Variants in ELMO1 observed in about 807,000 individuals in gnomAD.
ELMO1 encodes the protein engulfment and cell motility 1, also known as engulfment and cell motility protein 1.
In ELMO1, 26 loss-of-function variants were observed where a neutral mutation model predicts 98.9. The observed-to-expected ratio is 0.26, with a 90% CI of 0.19 to 0.36. ELMO1 has a LOEUF of 0.36. Among genes scored for constraint, ELMO1 ranks in the 10% least tolerant of loss-of-function variants. The probability of loss-of-function intolerance (pLI) is 1.00; values close to 1 mark genes in which losing one functional copy is unlikely to be tolerated. For synonymous variants in ELMO1, 346 were observed against 346.0 expected (o/e 1.00, Z 0.00); for missense variants, 627 against 935.2 (o/e 0.67, Z 4.30).
intron 16 of ELMO1, among the ~76,000 whole-genome samples, chr7:36,954,853 A>C (rs558787639): frequency 6.6e-6 from 1 of 152,334 alleles, no homozygotes; most frequent in East Asian, 1.9e-4. Flanking sequence ...TAATCACATT[A>C]AATTAGGAAT....
At chr7:37,293,742 A>AAAT (rs1797882621) in intron 4 of ELMO1, among the ~76,000 whole-genome samples, 2 of 86,084 alleles carry the variant, frequency 2.3e-5, no homozygotes, top group Non-Finnish European at 2.6e-5. Flanking sequence ...ATAATAATAA[A>AAAT]AAAAAAGAGT....
intron 15 of ELMO1, among the ~76,000 whole-genome samples, chr7:37,050,863 T>C (rs1245969098): frequency 6.6e-6 from 1 of 151,758 alleles, no homozygotes; most frequent in Non-Finnish European, 1.5e-5. Flanking sequence ...GTGAAAGACA[T>C]GTCAAACATT....
intron 1 of ELMO1, among the ~76,000 whole-genome samples, chr7:37,343,487 CTTTTT>C (rs10571805): frequency 6.8e-4 from 63 of 92,802 alleles, no homozygotes; most frequent in African/African-American, 2.2e-3. Flanking sequence ...TAGCCCATTT[CTTTTT>C]TTTTTTTTTT....
chr7:36,904,516 C>T (rs1783816686), intron 16 of ELMO1, among the ~76,000 whole-genome samples: 1 of 152,192 alleles, frequency 6.6e-6, no homozygotes. Flanking sequence ...TGCAGTTCAG[C>T]ACAGGTGCTC....
In ELMO1 at chr7:37,017,447, C is replaced by T. The variant is rs118130245; in HGVS notation, c.1301-4012G>A. Among the ~76,000 whole-genome samples, 952 of 152,268 alleles carry T rather than the reference C, an allele frequency of 6.3e-3. 9 individuals are homozygous for T. Among genetic ancestry groups the T allele is most frequent in the Non-Finnish European group, 9.0e-3 (612 of 68,012 alleles). On this transcript the variant is annotated intron_variant, in intron 15 of 21. Coordinates refer to ENST00000310758, the MANE Select transcript of ELMO1 (RefSeq NM_014800.11). The stretch of plus-strand genomic sequence containing the variant: ...TGCCCAGCTAAAAAAGTACAATTTG[C>T]GCCTCCCTTGTGATTAAGAGTCGTC...
intron 13 of ELMO1, among the ~76,000 whole-genome samples, chr7:37,137,606 C>T (rs935780357): frequency 1.3e-5 from 2 of 151,800 alleles, no homozygotes; most frequent in South Asian, 2.1e-4. Flanking sequence ...GGTGCAATCT[C>T]GCTCACTGCA....
At chr7:36,859,061 A>G (rs778430666) in intron 21 of ELMO1, among the ~76,000 whole-genome samples, 2 of 152,166 alleles carry the variant, frequency 1.3e-5, no homozygotes, top group Non-Finnish European at 2.9e-5. Context: ...CAATAAATAA[A>G]TTTCAAGGAA....
chr7:37,285,591 A>G (rs1338676563), intron 4 of ELMO1, among the ~76,000 whole-genome samples: 1 of 152,230 alleles, frequency 6.6e-6, no homozygotes, highest in Non-Finnish European at 1.5e-5. Flanking sequence ...CACCAAACAT[A>G]TAGAATATAA....
chr7:36,986,382 C>T, intron 16 of ELMO1: 2 of 409,920 alleles, frequency 4.9e-6, no homozygotes, highest in Non-Finnish European at 6.6e-6. Flanking sequence ...GTCAATAAAC[C>T]CATAGCTCCC....
At chr7:36,979,968 G>A (rs1346732041) in intron 16 of ELMO1, among the ~76,000 whole-genome samples, 1 of 152,144 alleles carries the variant, frequency 6.6e-6, no homozygotes, top group Non-Finnish European at 1.5e-5. Context: ...CAACCAAGTT[G>A]GAAAGAAACT....
chr7:37,293,077 C>A (rs1187213769), intron 4 of ELMO1, among the ~76,000 whole-genome samples: 1 of 22,926 alleles, frequency 4.4e-5, no homozygotes, highest in African/African-American at 7.4e-5. Context: ...CCAGCCGCCC[C>A]GTCCGGGAGG....
At chr7:36,899,422 G>A (rs988722308) in intron 16 of ELMO1, among the ~76,000 whole-genome samples, 1 of 152,108 alleles carries the variant, frequency 6.6e-6, no homozygotes, top group Non-Finnish European at 1.5e-5. Context: ...GAAGAAGAGG[G>A]AGAAGGGAAT....
At chr7:36,861,134 A>G (rs1562777123) in intron 21 of ELMO1, among the ~76,000 whole-genome samples, 1 of 152,260 alleles carries the variant, frequency 6.6e-6, no homozygotes, top group African/African-American at 2.4e-5. Context: ...TATTTTAAAT[A>G]TAGCTGACAG....
chr7:37,396,444 T>C (rs1393974394), intron 1 of ELMO1, among the ~76,000 whole-genome samples: 3 of 152,018 alleles, frequency 2.0e-5, no homozygotes, highest in Admixed American at 2.0e-4. Flanking sequence ...ATTAATATAG[T>C]CCCTGAAAGA....
chr7:37,379,730 T>C (rs191984970), intron 1 of ELMO1, among the ~76,000 whole-genome samples: 10 of 152,318 alleles, frequency 6.6e-5, no homozygotes, highest in Admixed American at 5.2e-4. Context: ...CCTGTGGCTC[T>C]AAACTTCTAA....
At chr7:37,399,302 T>C (rs1803425314) in intron 1 of ELMO1, among the ~76,000 whole-genome samples, 1 of 152,246 alleles carries the variant, frequency 6.6e-6, no homozygotes, top group Non-Finnish European at 1.5e-5. Flanking sequence ...AGTGGGTTCC[T>C]GGGCAATTTT....
In ELMO1 at chr7:37,378,511, G is replaced by A. The variant is rs10488648; in HGVS notation, c.-73-35748C>T. The stretch of plus-strand genomic sequence containing the variant: ...ACCAAATCTGGACTCTGATAAACAC[G>A]AATCTACAAATCTCCCTCTAGAAAA... On this transcript the variant is annotated intron_variant, in intron 1 of 21. Coordinates refer to ENST00000310758, the MANE Select transcript of ELMO1 (RefSeq NM_014800.11). Among the ~76,000 whole-genome samples the A allele has an allele frequency of 0.022, 3,286 of 151,686 alleles. 222 individuals are homozygous for A. In the East Asian group the frequency reaches 0.23, roughly 10 times the overall value.
intron 10 of ELMO1, among the ~76,000 whole-genome samples, chr7:37,220,727 A>C (rs935640358): frequency 2.6e-5 from 4 of 152,240 alleles, no homozygotes; most frequent in Non-Finnish European, 4.4e-5. Flanking sequence ...TAAGCATTTT[A>C]CTCATGTCTA....
At chr7:37,041,868 T>C (rs140994907) in intron 15 of ELMO1, among the ~76,000 whole-genome samples, 2 of 152,290 alleles carry the variant, frequency 1.3e-5, no homozygotes, top group Non-Finnish European at 2.9e-5. Context: ...TTCTTGACCT[T>C]ATTTTCTATG....
Sources: gnomAD v4.1 joint callset for allele counts (sites outside exome capture counted in the v4.1 genomes callset) on GRCh38, gnomAD v4.1.1 for gene constraint, MANE v1.5 for transcripts, NCBI Gene and HGNC (gene_info 2026-07-23, HGNC 2026-07-21) for gene names.